Variants in NTNG2 observed in about 807,000 individuals in gnomAD.
NTNG2 encodes netrin G2, also known as netrin-G2.
NTNG2 carries 15 observed loss-of-function variants against 47.6 expected under a neutral mutation model. The observed-to-expected ratio is 0.32, with a 90% CI of 0.21 to 0.49. NTNG2 has a LOEUF of 0.49. Among genes scored for constraint, NTNG2 ranks in the 20% least tolerant of loss-of-function variants. NTNG2 has a pLI of 0.99. For missense variants in NTNG2, 578 were observed against 764.6 expected (o/e 0.76, Z 2.88); for synonymous variants, 307 against 324.6 (o/e 0.95, Z 0.58).
intron 5 of NTNG2, among the ~76,000 whole-genome samples, chr9:132,235,579 C>T (rs1293988722): frequency 3.9e-5 from 6 of 152,186 alleles, no homozygotes; most frequent in Admixed American, 6.5e-5. Context: ...GCTGTGATGC[C>T]TCAGTATGTA....
chr9:132,221,984 C>G lies in NTNG2; in HGVS notation c.858-4865C>G, dbSNP rs1840384491. On this transcript the variant is annotated intron_variant, in intron 3 of 7. Coordinates refer to ENST00000393229, the MANE Select transcript of NTNG2 (RefSeq NM_032536.4). The surrounding 1 kb of genome is among the most constrained non-coding windows in gnomAD (Gnocchi z 4.2). Reference sequence around the variant, plus strand: ...CAGGCCAGCAGTGCGGAGCACAGCCCCGGTTCCGTACAGCTGAGGTGTTCC... The same window carrying G: ...CAGGCCAGCAGTGCGGAGCACAGCCGCGGTTCCGTACAGCTGAGGTGTTCC... 6.6e-6 allele frequency among the ~76,000 whole-genome samples: 1 copy of G among 152,202 alleles called. No individual in the cohort carries two copies. The highest frequency in any genetic ancestry group is 2.4e-5 in the African/African-American group (1 of 41,438).
At position 132,236,192 on chromosome 9, in the gene NTNG2, G is replaced by C. The variant is rs941449204; in HGVS notation, c.1055-2912G>C. Among the ~76,000 whole-genome samples the C allele has an allele frequency of 1.1e-4, 17 of 152,366 alleles. No individual in the cohort carries two copies. The highest frequency in any genetic ancestry group is 4.1e-4 in the African/African-American group (17 of 41,588). On this transcript the variant is annotated intron_variant, in intron 5 of 7. Transcript: ENST00000393229. The surrounding 1 kb of genome is among the most constrained non-coding windows in gnomAD (Gnocchi z 4.3). ...GGAGGGTGGACTGTGGTGGGTGAAG[G>C]GAGAAGGCAGCACATTCCAGGCCGC... is the stretch of plus-strand genomic sequence containing the variant.
chr9:132,216,380 G>GCC, intron 3 of NTNG2, among the ~76,000 whole-genome samples: 3 of 94,516 alleles, frequency 3.2e-5, no homozygotes, highest in Non-Finnish European at 6.1e-5. Flanking sequence ...TGCTGACTCA[G>GCC]CCTCTCTCTC....
chr9:132,167,351 G>A (rs931998603), intron 2 of NTNG2, among the ~76,000 whole-genome samples: 1 of 152,212 alleles, frequency 6.6e-6, no homozygotes, highest in Non-Finnish European at 1.5e-5. Flanking sequence ...CAGCCTTCAG[G>A]CTAAGCCCCA....
At chr9:132,175,937 C>T (rs769278565) in intron 2 of NTNG2, among the ~76,000 whole-genome samples, 25 of 152,168 alleles carry the variant, frequency 1.6e-4, no homozygotes, top group Non-Finnish European at 2.5e-4. Context: ...GACTCCAGTG[C>T]AGACAGAGGG....
chr9:132,212,842 G>T (rs1441449164), intron 3 of NTNG2, among the ~76,000 whole-genome samples: 1 of 152,146 alleles, frequency 6.6e-6, no homozygotes, highest in African/African-American at 2.4e-5. Context: ...GCTGGCCTCT[G>T]CAGGCTTCCC....
chr9:132,206,622 G>A (rs545554253), intron 3 of NTNG2, among the ~76,000 whole-genome samples: 11 of 152,352 alleles, frequency 7.2e-5, no homozygotes, highest in South Asian at 2.1e-4. Context: ...AGCCGAGATC[G>A]TGCCATTGCA....
chr9:132,240,792 T>A (rs938698761), intron 6 of NTNG2, 118 bp from the exon 7 acceptor site: 5 of 1,480,568 alleles, frequency 3.4e-6, no homozygotes, highest in Non-Finnish European at 4.6e-6. Context: ...GGACCCAGTG[T>A]GGGGAGCATC....
At position 132,163,354 on chromosome 9, in the gene NTNG2, T is replaced by G. The variant is rs1253066642; in HGVS notation, c.-484+1115T>G. On this transcript the variant is annotated intron_variant, in intron 1 of 7. Coordinates refer to ENST00000393229, the MANE Select transcript of NTNG2 (RefSeq NM_032536.4). The surrounding 1 kb of genome is among the most constrained non-coding windows in gnomAD (Gnocchi z 7.2). ...GCGCCCCGCCTCCCGCGCCCAACTT[T>G]CCAGGGCTCCCGCGGGCGGGGACCC... Among the ~76,000 whole-genome samples, 5 of 149,304 alleles carry G rather than the reference T, an allele frequency of 3.3e-5. No homozygotes were observed. In the East Asian group the frequency reaches 1.0e-3, roughly 31 times the overall value.
rs573432414 is a variant in NTNG2 at position 132,182,260 on chromosome 9, A to G, written c.213+15216A>G. The stretch of plus-strand genomic sequence containing the variant: ...TTCTGGGGAAGGAGTGGGGGAAAAA[A>G]TTGCACCCAACAATGGACAATAATG... On this transcript the variant is annotated intron_variant, in intron 2 of 7. Coordinates refer to ENST00000393229, the MANE Select transcript of NTNG2 (RefSeq NM_032536.4). The surrounding 1 kb of genome is among the most constrained non-coding windows in gnomAD (Gnocchi z 4.2). 6.4e-3 allele frequency among the ~76,000 whole-genome samples: 975 copies of G among 152,258 alleles called. 11 individuals carry two copies. Among genetic ancestry groups the G allele is most frequent in the African/African-American group, 0.023 (940 of 41,518 alleles).
At chr9:132,184,854 C>T (rs1457424710) in intron 2 of NTNG2, among the ~76,000 whole-genome samples, 1 of 152,130 alleles carries the variant, frequency 6.6e-6, no homozygotes, top group African/African-American at 2.4e-5. Flanking sequence ...CCCGGGAGGC[C>T]GAGGTTGCAG....
intron 3 of NTNG2, among the ~76,000 whole-genome samples, chr9:132,217,277 G>A (rs997599498): frequency 3.3e-5 from 5 of 152,106 alleles, no homozygotes; most frequent in African/African-American, 7.2e-5. Context: ...TTCATCTCCC[G>A]AGGGCCTTCC....
Position 132,196,483 on chromosome 9 carries a change from C to T in NTNG2, c.214-1483C>T, listed in dbSNP as rs575618651. On this transcript the variant is annotated intron_variant, in intron 2 of 7. Transcript: ENST00000393229. ...GCTGGATTACAGGTGTGAGCCACCGCGCCCAGCCTGGGTCTATGGGTTTTG... is the reference window on the plus strand; with the variant it reads ...GCTGGATTACAGGTGTGAGCCACCGTGCCCAGCCTGGGTCTATGGGTTTTG... Among the ~76,000 whole-genome samples, 9 of 152,290 alleles carry T rather than the reference C, an allele frequency of 5.9e-5. No individual in the cohort carries two copies. The South Asian group carries it at 1.5e-3, about 25-fold the overall frequency.
chr9:132,230,084 C>T (rs909156812), intron 4 of NTNG2, among the ~76,000 whole-genome samples: 4 of 152,230 alleles, frequency 2.6e-5, no homozygotes, highest in African/African-American at 7.2e-5. Context: ...ATGCTGACAC[C>T]GTGCCTGGCA....
intron 7 of NTNG2, among the ~76,000 whole-genome samples, 160 bp downstream of exon 7, chr9:132,241,204 A>C (rs1456761702): frequency 7.5e-6 from 1 of 133,534 alleles, no homozygotes; most frequent in Non-Finnish European, 1.6e-5. Flanking sequence ...TGGGACGGGG[A>C]AGAGGCGGTG....
intron 2 of NTNG2, among the ~76,000 whole-genome samples, chr9:132,179,038 C>T (rs1836720795): frequency 2.0e-5 from 3 of 151,828 alleles, no homozygotes; most frequent in Admixed American, 2.0e-4. Context: ...AACTGAGGCC[C>T]AGAGGGTTGG....
Position 132,241,899 on chromosome 9 carries a change from C to A in NTNG2, c.1381C>A (p.Leu461Met). The A allele has an allele frequency of 6.3e-7, 1 of 1,577,906 alleles. No individual in the cohort carries two copies. The highest frequency in any genetic ancestry group is 8.6e-7 in the Non-Finnish European group (1 of 1,168,470). ...CYPNVCDDDQLLCQNGGTCLQ... is the reference protein window; with the variant it reads ...CYPNVCDDDQMLCQNGGTCLQ... Reference sequence around the variant, plus strand: ...AGCCAACGTGTGCGACGACGACCAGCTGCTGTGCCAGAACGGAGGCACCTG... The same window carrying A: ...AGCCAACGTGTGCGACGACGACCAGATGCTGTGCCAGAACGGAGGCACCTG... The change falls in exon 8 of 8, where the codon CTG becomes ATG. Residue 461 changes from leucine (L) to methionine (M), a missense_variant. Leu to Met is a conservative substitution (Grantham distance 15, BLOSUM62 2). Transcript: ENST00000393229.
chr9:132,227,068 CCCT>C, intron 4 of NTNG2, 47 bp downstream of exon 4: 1 of 1,527,296 alleles, frequency 6.5e-7, no homozygotes, highest in Non-Finnish European at 8.8e-7. Flanking sequence ...CTATAATCTT[CCCT>C]GCCCGTCAAT....
Position 132,237,000 on chromosome 9 carries a change from C to T in NTNG2, c.1055-2104C>T, listed in dbSNP as rs560672308. On this transcript the variant is annotated intron_variant, in intron 5 of 7. Transcript: ENST00000393229. This position sits in a 1 kb window ranked among gnomAD's most constrained non-coding sequence, Gnocchi z 4.3. The stretch of plus-strand genomic sequence containing the variant: ...TGATGCTCCAGGAAGTTTGGAGAGG[C>T]GGTGGGGAGAGCAAGAGACGGGCGT... Among the ~76,000 whole-genome samples the T allele has an allele frequency of 3.9e-5, 6 of 152,204 alleles. No individual in the cohort carries two copies. Among genetic ancestry groups the T allele is most frequent in the South Asian group, 2.1e-4 (1 of 4,814 alleles).
Sources: allele counts gnomAD v4.1 joint callset (sites outside exome capture counted in the v4.1 genomes callset), GRCh38; gene constraint gnomAD v4.1.1; non-coding constraint Gnocchi (gnomAD v3.1); transcripts MANE v1.5; gene names NCBI Gene and HGNC (gene_info 2026-07-23, HGNC 2026-07-21).